Variants in HID1 observed in about 807,000 individuals in gnomAD.
The protein encoded by HID1 is protein HID1.
HID1 carries 42 observed loss-of-function variants against 89.7 expected under a neutral mutation model. The observed-to-expected ratio is 0.47, with a 90% CI of 0.37 to 0.61. HID1 has a LOEUF of 0.61. Ranked by LOEUF, HID1 falls within the 20% of genes least tolerant of loss-of-function variation. The pLI is 0.00. For missense variants in HID1, 854 were observed against 1,039.3 expected, an observed-to-expected ratio of 0.82 and a Z score of 2.45; for synonymous variants, 442 against 433.8, an observed-to-expected ratio of 1.02 and a Z score of -0.24.
intron 1 of HID1, among the ~76,000 whole-genome samples, chr17:74,968,228 G>T (rs1211911001): frequency 2.1e-5 from 3 of 140,006 alleles, no homozygotes; most frequent in Non-Finnish European, 3.0e-5. Context: ...ACCCTGCGTT[G>T]TTCCTGCCTC....
intron 1 of HID1, 135 bp from the exon 2 acceptor site, chr17:74,964,767 A>C: frequency 1.1e-6 from 1 of 872,730 alleles, no homozygotes; most frequent in African/African-American, 1.7e-5. Context: ...GAGCCATCCC[A>C]CATGGGTGGG....
rs966370463 is a variant in HID1 at position 74,960,149 on chromosome 17, G to A, written c.828C>T (p.Tyr276=). ...IPYNHLLFSD[Y]REPLVEEAAQ... ...CAGCCTCCTCCACCAGGGGTTCCCG[G>A]TAGTCAGAGAAGAGCAGGTGGTTGT... Residue 276 remains tyrosine, a synonymous_variant, in exon 7 of 19, where the codon TAC becomes TAT. Transcript: ENST00000425042. The A allele has an allele frequency of 2.7e-5, 44 of 1,613,968 alleles. No homozygotes were observed. In the East Asian group the frequency reaches 9.6e-4, roughly 35 times the overall value.
intron 16 of HID1, among the ~76,000 whole-genome samples, chr17:74,952,657 G>A (rs140972522): frequency 5.3e-5 from 8 of 152,204 alleles, no homozygotes; most frequent in African/African-American, 1.9e-4. Context: ...CGCAACTGGC[G>A]TGATCTCAGG....
chr17:74,968,475 C>T (rs898557028), intron 1 of HID1, among the ~76,000 whole-genome samples: 11 of 152,212 alleles, frequency 7.2e-5, no homozygotes, highest in African/African-American at 2.7e-4. Context: ...GCAAACACCC[C>T]CACCCCACCC....
intron 1 of HID1, among the ~76,000 whole-genome samples, chr17:74,969,408 G>C (rs986829480): frequency 5.3e-5 from 8 of 151,996 alleles, no homozygotes; most frequent in African/African-American, 1.9e-4. Context: ...GGACGGTCTC[G>C]ATCTCCTGAC....
chr17:74,957,577 G>A (rs2039408604), intron 12 of HID1, among the ~76,000 whole-genome samples: 1 of 109,282 alleles, frequency 9.2e-6, no homozygotes, highest in African/African-American at 3.5e-5. Context: ...ACCTCCTTCA[G>A]ATGTCAAAAA....
Position 74,962,036 on chromosome 17 carries a change from T to A in HID1, c.612-47A>T. The stretch of plus-strand genomic sequence containing the variant: ...GCACCTTAGGATCCCAGTCCCCTCT[T>A]GGAGGTTCTGCCCACCCAGCCCAGC... On this transcript the variant is annotated intron_variant, in intron 5 of 18. Coordinates refer to ENST00000425042, the MANE Select transcript of HID1 (RefSeq NM_030630.3). The surrounding 1 kb of genome is among the most constrained non-coding windows in gnomAD (Gnocchi z 4.3). 10 of 1,413,026 alleles carry A rather than the reference T, an allele frequency of 7.1e-6. No individual in the cohort carries two copies. Among genetic ancestry groups the A allele is most frequent in the Non-Finnish European group, 9.6e-6 (10 of 1,045,940 alleles). 87.5% of individuals were successfully genotyped at this position (1,413,026 alleles called of 1,614,324 possible).
rs2039353127 is a variant in HID1, at chr17:74,954,244, C to T, written c.1758G>A (p.Glu586=). The change falls in exon 14 of 19, where the codon GAG becomes GAA. Residue 586 remains glutamate (E), a synonymous_variant. Transcript: ENST00000425042. ...CCTGGGAGCCGGTGCGAGACAAGGG[C>T]TCAGGTGTCCGCCGGCGCCGCTGCA... ...KALQRRRRTP[E]PLSRTGSQEG... 1 of 1,592,866 alleles carries T rather than the reference C, an allele frequency of 6.3e-7. No homozygotes were observed.
chr17:74,963,226 G>T (rs572457277), intron 3 of HID1, 145 bp from the exon 4 acceptor site: 2 of 598,950 alleles, frequency 3.3e-6, no homozygotes, highest in Admixed American at 6.3e-5. Context: ...TGGACTCCTG[G>T]TTGCCCCAAA....
chr17:74,952,210 G>A, intron 17 of HID1, 59 bp downstream of exon 17: 1 of 1,542,346 alleles, frequency 6.5e-7, no homozygotes. Flanking sequence ...CACACCACCG[G>A]CCCCGCCCAC....
chr17:74,957,530 G>A (rs2144806884), intron 12 of HID1, among the ~76,000 whole-genome samples: 1 of 151,764 alleles, frequency 6.6e-6, no homozygotes, highest in Middle Eastern at 3.4e-3. Flanking sequence ...AAGTAAAAAT[G>A]TTATCGGACT....
intron 6 of HID1, among the ~76,000 whole-genome samples, chr17:74,960,836 TCGACCGC>T (rs2039468608): frequency 1.3e-5 from 2 of 151,756 alleles, no homozygotes; most frequent in Admixed American, 1.3e-4. Flanking sequence ...AAGGCGGAGG[TCGACCGC>T]CACCTGCCGG....
At position 74,958,656 on chromosome 17, in the gene HID1, C is replaced by A; in HGVS notation, c.1240+17G>T. The A allele has an allele frequency of 6.6e-7, 1 of 1,515,204 alleles. No homozygotes were observed. Among genetic ancestry groups the A allele is most frequent in the Non-Finnish European group, 9.2e-7 (1 of 1,091,012 alleles). The allele number at this position is 1,515,204 out of a possible 1,614,324, so 93.9% of individuals were successfully genotyped here. A position where few individuals can be genotyped will look rare whatever the true frequency, so the allele number is the denominator to read the frequency against. On this transcript the variant is annotated intron_variant, in intron 10 of 18. Coordinates refer to ENST00000425042, the MANE Select transcript of HID1 (RefSeq NM_030630.3). This position sits in a 1 kb window ranked among gnomAD's most constrained non-coding sequence, Gnocchi z 5.2. ...GCCAGGAAAGCCCCCAGCATCCCAC[C>A]CCCACCCTGGTCTTACACTGATCGG... is the stretch of plus-strand genomic sequence containing the variant.
chr17:74,962,849 C>T lies in HID1; in HGVS notation c.504+116G>A. ...CCTACATGTGCCAGGCAGCTCAGCT[C>T]TCCTGGAGCCCCCCGGCCCCCAGTG... On this transcript the variant is annotated intron_variant, in intron 4 of 18. Coordinates refer to ENST00000425042, the MANE Select transcript of HID1 (RefSeq NM_030630.3). This position sits in a 1 kb window ranked among gnomAD's most constrained non-coding sequence, Gnocchi z 4.3. 1 of 738,002 alleles carries T rather than the reference C, an allele frequency of 1.4e-6. No homozygotes were observed. 45.7% of individuals were successfully genotyped at this position (738,002 alleles called of 1,614,324 possible). A position where few individuals can be genotyped will look rare whatever the true frequency, so the allele number is the denominator to read the frequency against.
At position 74,962,602 on chromosome 17, in the gene HID1, G is replaced by A. The variant is rs1166694078; in HGVS notation, c.505-262C>T. Among the ~76,000 whole-genome samples, 2 of 152,304 alleles carry A rather than the reference G, an allele frequency of 1.3e-5. No homozygotes were observed. The highest frequency in any genetic ancestry group is 1.9e-4 in the East Asian group (1 of 5,182). ...CCAGTTTGGGACAGGGAGAAAGGGA[G>A]GGAGGGGCAGGGGATTGGGTGCCCC... On this transcript the variant is annotated intron_variant, in intron 4 of 18. Transcript: ENST00000425042. This position sits in a 1 kb window ranked among gnomAD's most constrained non-coding sequence, Gnocchi z 4.3.
Position 74,958,064 on chromosome 17 carries a change from G to A in HID1, c.1471+77C>T. ...TGTGGGCTGGAGGGGCTTGAAACCTGGAGCAAGTGGCAGGTTGGCCTGTGG... is the reference window on the plus strand; with the variant it reads ...TGTGGGCTGGAGGGGCTTGAAACCTAGAGCAAGTGGCAGGTTGGCCTGTGG... On this transcript the variant is annotated intron_variant, in intron 12 of 18. Transcript: ENST00000425042. This position sits in a 1 kb window ranked among gnomAD's most constrained non-coding sequence, Gnocchi z 5.2. The A allele has an allele frequency of 7.4e-7, 1 of 1,357,782 alleles. No homozygotes were observed. Among genetic ancestry groups the A allele is most frequent in the Non-Finnish European group, 1.0e-6 (1 of 977,548 alleles). The allele number at this position is 1,357,782 out of a possible 1,614,324, so 84.1% of individuals were successfully genotyped here. A position where few individuals can be genotyped will look rare whatever the true frequency, so the allele number is the denominator to read the frequency against.
rs188429916 is a variant in HID1 at position 74,967,067 on chromosome 17, C to T, written c.67-2435G>A. ...CACCCTGGCCAATGTGGTGAAACCC[C>T]GTCTCTACTAAAAATACAAAAATTA... On this transcript the variant is annotated intron_variant, in intron 1 of 18. Coordinates refer to ENST00000425042, the MANE Select transcript of HID1 (RefSeq NM_030630.3). Among the ~76,000 whole-genome samples the T allele has an allele frequency of 3.6e-3, 545 of 151,718 alleles. 2 individuals carry two copies. Among genetic ancestry groups the T allele is most frequent in the Middle Eastern group, 0.017 (5 of 290 alleles).
chr17:74,955,670 T>C (rs1243922187), intron 13 of HID1, 122 bp downstream of exon 13: 4 of 799,006 alleles, frequency 5.0e-6, no homozygotes, highest in Non-Finnish European at 8.0e-6. Context: ...ATGAATGAAC[T>C]GGGGGCAGAA....
In HID1 at chr17:74,963,861, T is replaced by A; in HGVS notation, c.266A>T (p.Lys89Met). ...QGAESGCHSEKEKQIVLNCSR... is the reference protein window; with the variant it reads ...QGAESGCHSEMEKQIVLNCSR... ...GCAGTTCAGGACGATCTGCTTCTCC[T>A]TCTCCGAGTGGCAGCCACTCTCAGC... The change falls in exon 3 of 19, where the codon AAG becomes ATG. Residue 89 changes from lysine (K) to methionine (M), a missense_variant. Physicochemically the swap from Lys to Met is moderately conservative, Grantham distance 95. Coordinates refer to ENST00000425042, the MANE Select transcript of HID1 (RefSeq NM_030630.3). 6.2e-7 allele frequency: 1 copy of A among 1,613,970 alleles called. No individual in the cohort carries two copies. Among genetic ancestry groups the A allele is most frequent in the East Asian group, 2.2e-5 (1 of 44,872 alleles).
Sources: allele counts gnomAD v4.1 joint callset (sites outside exome capture counted in the v4.1 genomes callset), GRCh38; gene constraint gnomAD v4.1.1; non-coding constraint Gnocchi (gnomAD v3.1); transcripts MANE v1.5; gene names NCBI Gene and HGNC (gene_info 2026-07-23, HGNC 2026-07-21).